KDR: variants seen among roughly 807,000 people sequenced by gnomAD.
KDR encodes the protein kinase insert domain receptor.
KDR carries 43 observed loss-of-function variants against 160.9 expected under a neutral mutation model. The ratio of observed to expected loss-of-function variants is 0.27; its 90% confidence interval spans 0.21 to 0.34. KDR has a LOEUF of 0.34. Among genes scored for constraint, KDR ranks in the 10% least tolerant of loss-of-function variants. The pLI is 1.00. For synonymous variants in KDR, 617 were observed against 600.1 expected, an observed-to-expected ratio of 1.03 and a Z score of -0.41; for missense variants, 1,469 against 1,666.4, an observed-to-expected ratio of 0.88 and a Z score of 2.06.
intron 27 of KDR, among the ~76,000 whole-genome samples, chr4:55,085,114 AGGGAAAATGACAGAGC>A (rs1719829529): frequency 1.3e-5 from 2 of 152,230 alleles, no homozygotes; most frequent in African/African-American, 2.4e-5. Flanking sequence ...TGAAACTCCC[AGGGAAAATGACAGAGC>A]AATTGCCGAT....
At chr4:55,117,406 A>C (rs1720762284) in intron 3 of KDR, among the ~76,000 whole-genome samples, 1 of 152,250 alleles carries the variant, frequency 6.6e-6, no homozygotes, top group African/African-American at 2.4e-5. Context: ...AAAAGGAGCC[A>C]GAAATTCTCC....
At chr4:55,102,908 TG>T (rs1379737520) in intron 13 of KDR, among the ~76,000 whole-genome samples, 3 of 152,200 alleles carry the variant, frequency 2.0e-5, no homozygotes, top group Admixed American at 6.6e-5. Flanking sequence ...CAACCAATAA[TG>T]CCTTACATTT....
At position 55,086,530 on chromosome 4, in the gene KDR, A is replaced by T. The variant is rs1293375508; in HGVS notation, c.3662+1077T>A. 2.0e-5 allele frequency among the ~76,000 whole-genome samples: 3 copies of T among 152,186 alleles called. No homozygotes were observed. In the East Asian group the frequency reaches 5.8e-4, roughly 29 times the overall value. ...GTTCAATAATACATCAAAAAAAAAG[A>T]TCATTGTTTCTACCTTGCCTGACTC... On this transcript the variant is annotated intron_variant, in intron 27 of 29. Transcript: ENST00000263923.
chr4:55,090,136 GT>G (rs1719972515), intron 22 of KDR, 58 bp from the exon 23 acceptor site: 1 of 1,603,672 alleles, frequency 6.2e-7, no homozygotes, highest in African/African-American at 1.3e-5. Context: ...TTTCACATCT[GT>G]TGTGACCTCA....
chr4:55,113,462 A>T lies in KDR; in HGVS notation c.818T>A (p.Val273Glu). The change falls in exon 7 of 30, where the codon GTA becomes GAA. Residue 273 changes from valine to glutamate, a missense_variant. This residue lies in a region of KDR where 792 missense variants were observed against 840.9 expected (regional missense o/e 0.94). Transcript: ENST00000263923. ...AGACTGGGTTTTTAGGTCTCGGTTT[A>T]CAAGTTTCTTATGCTGATGCTGAAA... Reference protein sequence around the residue: ...PSSKHQHKKLVNRDLKTQSGS... With the variant: ...PSSKHQHKKLENRDLKTQSGS... The T allele has an allele frequency of 6.2e-7, 1 of 1,614,038 alleles. No homozygotes were observed.
chr4:55,110,815 C>A (rs2110028318), intron 7 of KDR, 47 bp from the exon 8 acceptor site: 1 of 1,448,920 alleles, frequency 6.9e-7, no homozygotes, highest in South Asian at 1.2e-5. Flanking sequence ...TGTAAATGGT[C>A]ATTTGATTTA....
At chr4:55,103,528 T>A (rs1720366930) in intron 13 of KDR, among the ~76,000 whole-genome samples, 1 of 152,172 alleles carries the variant, frequency 6.6e-6, no homozygotes, top group Admixed American at 6.5e-5. Flanking sequence ...TTCTCAATTC[T>A]GCCATAACCT....
chr4:55,118,043 A>T (rs1218492319), intron 3 of KDR, among the ~76,000 whole-genome samples: 1 of 152,212 alleles, frequency 6.6e-6, no homozygotes, highest in Non-Finnish European at 1.5e-5. Context: ...AGACCAAACA[A>T]GCAAAGGAAA....
Position 55,110,695 on chromosome 4 carries a change from G to A in KDR, c.1050C>T (p.Ile350=), listed in dbSNP as rs762537157. ...VEATVGERVR[I]PAKYLGYPPP... is the part of the protein sequence containing the mutation. ...GTGGGTAACCAAGGTACTTCGCAGG[G>A]ATTCTGACACGCTCCCCCACCGTGG... is the stretch of plus-strand genomic sequence containing the variant. Residue 350 remains isoleucine, a synonymous_variant, in exon 8 of 30, where the codon ATC becomes ATT. Transcript: ENST00000263923. The A allele has an allele frequency of 6.2e-7, 1 of 1,613,462 alleles. No individual in the cohort carries two copies. The highest frequency in any genetic ancestry group is 1.3e-5 in the African/African-American group (1 of 74,818).
chr4:55,097,943 G>A (rs1342099140), intron 17 of KDR, among the ~76,000 whole-genome samples, 177 bp from the exon 18 acceptor site: 4 of 151,578 alleles, frequency 2.6e-5, no homozygotes, highest in Admixed American at 2.0e-4. Context: ...CTCTCCAAAT[G>A]TCCTGCTTTG....
Position 55,098,680 on chromosome 4 carries a change from G to A in KDR, c.2373+17C>T, listed in dbSNP as rs1271743902. On this transcript the variant is annotated intron_variant, in intron 16 of 29. Coordinates refer to ENST00000263923, the MANE Select transcript of KDR (RefSeq NM_002253.4). ...GAAAACCAATGTGCATGGGCAGAAG[G>A]GAAATTATTTTTTTACCCGCTTAAC... 2.5e-6 allele frequency: 4 copies of A among 1,580,860 alleles called. No homozygotes were observed. The highest frequency in any genetic ancestry group is 4.5e-5 in the East Asian group (2 of 44,692).
In KDR at chr4:55,094,821, A is replaced by G. The variant is rs745489015; in HGVS notation, c.2952T>C (p.Ser984=). 12 of 1,613,724 alleles carry G rather than the reference A, an allele frequency of 7.4e-6. No individual in the cohort carries two copies. In the South Asian group the frequency reaches 1.2e-4, roughly 16 times the overall value. The change falls in exon 21 of 30, where the codon AGT becomes AGC. Residue 984 remains serine, a synonymous_variant. Transcript: ENST00000263923. ...CAGTACCTTCCTCTTCTTCTACATC[A>G]CTGAGGGACTTCTCCTCCACAAATC... ...SSGFVEEKSL[S]DVEEEEAPED... is the part of the protein sequence containing the mutation.
In KDR at chr4:55,089,387, T is replaced by G. The variant is rs1268910399; in HGVS notation, c.3391A>C (p.Thr1131Pro). ...TTAAAGTCTTACATTTCTGGTGTAG[T>G]ATAATCAGGGGCCCTCATTCTAGTT... ...EGTRMRAPDY[T>P]TPEMYQTMLD... Residue 1131 changes from threonine to proline, a missense_variant, in exon 25 of 30, where the codon ACT (threonine) becomes CCT (proline). Thr to Pro is a conservative substitution (Grantham distance 38, BLOSUM62 -1). Around this residue, in one of 7 missense-constraint regions of KDR, gnomAD observed 132 missense variants for 195.9 expected, o/e 0.67. Coordinates refer to ENST00000263923, the MANE Select transcript of KDR (RefSeq NM_002253.4). 2.5e-6 allele frequency: 4 copies of G among 1,607,876 alleles called. No homozygotes were observed. Among genetic ancestry groups the G allele is most frequent in the Non-Finnish European group, 2.6e-6 (3 of 1,174,784 alleles).
intron 3 of KDR, among the ~76,000 whole-genome samples, chr4:55,118,308 C>T (rs572485200): frequency 5.9e-5 from 9 of 152,252 alleles, no homozygotes; most frequent in African/African-American, 2.2e-4. Context: ...AGGTTTTCTT[C>T]TCAAACATAG....
intron 20 of KDR, among the ~76,000 whole-genome samples, chr4:55,095,192 C>T (rs1239340184): frequency 6.6e-6 from 1 of 152,106 alleles, no homozygotes; most frequent in Non-Finnish European, 1.5e-5. Flanking sequence ...TGACAAATGC[C>T]ACATTTTGAG....
At chr4:55,119,142 G>A (rs1720805144) in intron 2 of KDR, among the ~76,000 whole-genome samples, 1 of 151,870 alleles carries the variant, frequency 6.6e-6, no homozygotes, top group Non-Finnish European at 1.5e-5. Context: ...CCGGGAGGTG[G>A]AGGTTGCAGT....
chr4:55,103,885 A>C (rs1312867221), intron 13 of KDR, among the ~76,000 whole-genome samples: 1 of 151,878 alleles, frequency 6.6e-6, no homozygotes, highest in African/African-American at 2.4e-5. Flanking sequence ...AATTTGCCTG[A>C]TTTTCCCACA....
At chr4:55,091,556 A>G (rs17709898) in intron 22 of KDR, among the ~76,000 whole-genome samples, 48,497 of 152,094 alleles carry the variant, frequency 0.32, 7,856 homozygotes, top group Non-Finnish European at 0.35. Context: ...GGAAAACCCT[A>G]TAAGGTCCCA....
In KDR at chr4:55,110,442, TTGAAATGGGATTG is replaced by T; in HGVS notation, c.1203_1215del (p.Asn402ArgfsTer23). 1 of 1,614,114 alleles carries T rather than the reference TTGAAATGGGATTG, an allele frequency of 6.2e-7. No individual in the cohort carries two copies. The highest frequency in any genetic ancestry group is 8.5e-7 in the Non-Finnish European group (1 of 1,179,992). On this transcript the variant is annotated frameshift_variant, in exon 9 of 30. Transcript: ENST00000263923. LOFTEE classifies it high-confidence loss of function. ...GAGACCACATGGCTCTGCTTCTCCTTTGAAATGGGATTGGTAAGGATGACAGTGTAATTTCCTG... is the reference window on the plus strand; with the variant it reads ...GAGACCACATGGCTCTGCTTCTCCTTGTAAGGATGACAGTGTAATTTCCTG...
Sources: allele counts gnomAD v4.1 joint callset (sites outside exome capture counted in the v4.1 genomes callset), GRCh38; gene constraint gnomAD v4.1.1; regional missense constraint gnomAD v4.1.1; transcripts MANE v1.5; gene names NCBI Gene and HGNC (gene_info 2026-07-23, HGNC 2026-07-21).